AUH: variants seen among roughly 807,000 people sequenced by gnomAD.
AUH encodes AU RNA binding methylglutaconyl-CoA hydratase.
In AUH, 29 loss-of-function variants were observed where a neutral mutation model predicts 42.3. The ratio of observed to expected loss-of-function variants is 0.69; its 90% CI spans 0.51 to 0.93. The LOEUF (loss-of-function observed/expected upper bound fraction) is 0.93, where lower values mean the gene tolerates loss of function less well. AUH is among the 40% of genes least tolerant of loss of function. AUH has a pLI of 0.00. For missense variants in AUH, 452 were observed against 438.1 expected (o/e 1.03, Z -0.28); for synonymous variants, 174 against 166.4 (o/e 1.05, Z -0.35).
chr9:91,353,797 G>C (rs1459258092), intron 3 of AUH, among the ~76,000 whole-genome samples: 1 of 138,106 alleles, frequency 7.2e-6, no homozygotes, highest in Non-Finnish European at 1.5e-5. Context: ...CTCCAGCCTG[G>C]GTGACAGAGC....
chr9:91,253,343 A>G (rs1829237785), intron 6 of AUH, among the ~76,000 whole-genome samples: 1 of 152,244 alleles, frequency 6.6e-6, no homozygotes, highest in South Asian at 2.1e-4. Flanking sequence ...TATTTATCAG[A>G]AAATCATGAC....
intron 6 of AUH, among the ~76,000 whole-genome samples, chr9:91,292,484 G>A (rs1253904548): frequency 6.6e-6 from 1 of 151,680 alleles, no homozygotes; most frequent in Non-Finnish European, 1.5e-5. Context: ...TCACCAGGTT[G>A]GCCAGGCTGG....
intron 6 of AUH, among the ~76,000 whole-genome samples, chr9:91,247,258 T>C (rs189722532): frequency 6.6e-5 from 10 of 152,260 alleles, no homozygotes; most frequent in South Asian, 2.1e-4. Flanking sequence ...CTTCAACCGA[T>C]AGTGCTACTC....
chr9:91,233,319 G>A (rs1827995602), intron 6 of AUH, among the ~76,000 whole-genome samples: 1 of 152,146 alleles, frequency 6.6e-6, no homozygotes, highest in Non-Finnish European at 1.5e-5. Context: ...AAGGGCACAG[G>A]TTTTGTGGGA....
chr9:91,334,388 T>C (rs989152332), intron 3 of AUH, among the ~76,000 whole-genome samples: 3 of 152,178 alleles, frequency 2.0e-5, no homozygotes, highest in African/African-American at 7.2e-5. Flanking sequence ...AGGGCCTCAA[T>C]AGAACAAAAG....
At chr9:91,357,355 T>G (rs1333003400) in intron 1 of AUH, 1 of 310,848 alleles carries the variant, frequency 3.2e-6, no homozygotes, top group East Asian at 1.7e-4. Context: ...CCTTCAGCTA[T>G]TAAGTGGTAA....
chr9:91,217,212 T>C, intron 8 of AUH, 65 bp downstream of exon 8: 1 of 1,489,548 alleles, frequency 6.7e-7, no homozygotes, highest in South Asian at 1.1e-5. Context: ...AGTCTAAACA[T>C]GGTTCATTTA....
intron 4 of AUH, among the ~76,000 whole-genome samples, chr9:91,300,665 T>C (rs1450432129): frequency 3.9e-5 from 6 of 152,246 alleles, no homozygotes; most frequent in African/African-American, 1.4e-4. Context: ...AGGATAGAAA[T>C]GGTGTAAACA....
chr9:91,347,345 C>T (rs1463515901), intron 3 of AUH, among the ~76,000 whole-genome samples: 1 of 152,172 alleles, frequency 6.6e-6, no homozygotes, highest in African/African-American at 2.4e-5. Context: ...GCATGAGCCA[C>T]CGTGCCTGGC....
chr9:91,347,113 T>A (rs766058407), intron 3 of AUH, among the ~76,000 whole-genome samples: 1 of 152,116 alleles, frequency 6.6e-6, no homozygotes, highest in Non-Finnish European at 1.5e-5. Context: ...CACAGCTCAC[T>A]GCAGCCTCAA....
intron 4 of AUH, among the ~76,000 whole-genome samples, chr9:91,316,269 CAGA>C (rs1295521262): frequency 6.6e-6 from 1 of 152,070 alleles, no homozygotes; most frequent in Non-Finnish European, 1.5e-5. Flanking sequence ...AGTGTACAGA[CAGA>C]AGAACCATAA....
At chr9:91,315,583 T>C (rs1829094740) in intron 4 of AUH, among the ~76,000 whole-genome samples, 1 of 152,128 alleles carries the variant, frequency 6.6e-6, no homozygotes, top group African/African-American at 2.4e-5. Flanking sequence ...ATGAACCTTG[T>C]CATTCTTCAG....
intron 6 of AUH, among the ~76,000 whole-genome samples, chr9:91,237,383 C>T (rs1429938793): frequency 6.6e-6 from 1 of 152,172 alleles, no homozygotes; most frequent in Non-Finnish European, 1.5e-5. Flanking sequence ...GGCTTTGACT[C>T]ACTGTCTGAA....
intron 4 of AUH, among the ~76,000 whole-genome samples, chr9:91,308,342 G>C (rs1031735714): frequency 6.6e-5 from 10 of 152,152 alleles, no homozygotes; most frequent in African/African-American, 2.4e-4. Flanking sequence ...GCCTGGGCAA[G>C]AGAGCGAGAC....
At chr9:91,290,724 T>A (rs1826799958) in intron 6 of AUH, among the ~76,000 whole-genome samples, 1 of 152,162 alleles carries the variant, frequency 6.6e-6, no homozygotes, top group African/African-American at 2.4e-5. Flanking sequence ...GCATAATCTA[T>A]CTTTTCTCAT....
chr9:91,345,426 G>A (rs1044186292), intron 3 of AUH, among the ~76,000 whole-genome samples: 4 of 152,210 alleles, frequency 2.6e-5, no homozygotes, highest in South Asian at 2.1e-4. Flanking sequence ...GTAAAATTAA[G>A]AAGAAATGCC....
intron 6 of AUH, among the ~76,000 whole-genome samples, chr9:91,267,481 T>C (rs1830039731): frequency 6.6e-6 from 1 of 152,138 alleles, no homozygotes; most frequent in Non-Finnish European, 1.5e-5. Context: ...AACAGCCGAG[T>C]AGGTTAACTC....
chr9:91,232,082 C>A (rs1827918270), intron 6 of AUH, among the ~76,000 whole-genome samples: 1 of 152,168 alleles, frequency 6.6e-6, no homozygotes, highest in African/African-American at 2.4e-5. Context: ...ACAATGTTTA[C>A]ATAGATCAAT....
rs1403383788 is a variant in AUH at position 91,220,958 on chromosome 9, C to T, written c.690G>A (p.Met230Ile). The T allele has an allele frequency of 7.4e-6, 12 of 1,614,194 alleles. No individual in the cohort carries two copies. Among genetic ancestry groups the T allele is most frequent in the Non-Finnish European group, 1.0e-5 (12 of 1,180,030 alleles). Residue 230 changes from methionine to isoleucine, a missense_variant, in exon 7 of 10, where the codon ATG becomes ATA. Met to Ile is a conservative substitution (Grantham distance 10, BLOSUM62 1). Transcript: ENST00000375731. ...GTQRLPRAIGMSLAKELIFSA... is the reference protein window; with the variant it reads ...GTQRLPRAIGISLAKELIFSA... ...AGAATATGAGCTCCTTGGCCAGGGA[C>T]ATTCCAATGGCGCGTGGCAATCGCT...
Sources: gnomAD v4.1 joint callset for allele counts (sites outside exome capture counted in the v4.1 genomes callset) on GRCh38, gnomAD v4.1.1 for gene constraint, MANE v1.5 for transcripts, NCBI Gene and HGNC (gene_info 2026-07-23, HGNC 2026-07-21) for gene names.